Variants in XK observed in about 807,000 individuals in gnomAD.
The protein encoded by XK is X-linked Kx blood group antigen, Kell and VPS13A binding protein, also known as endoplasmic reticulum membrane adapter protein XK.
XK carries 2 observed loss-of-function variants against 14.0 expected under a neutral mutation model. The ratio of observed to expected loss-of-function variants is 0.14; its 90% CI spans 0.06 to 0.45. The LOEUF (loss-of-function observed/expected upper bound fraction) is 0.45. Among genes scored for constraint, XK ranks in the 20% least tolerant of loss-of-function variants. The pLI, the probability that XK is intolerant of heterozygous loss-of-function variation, is 0.98. For missense variants in XK, 235 were observed against 341.5 expected, an observed-to-expected ratio of 0.69 and a Z score of 2.46; for synonymous variants, 149 against 147.5, an observed-to-expected ratio of 1.01 and a Z score of -0.08.
chrX:37,726,462 T>A (rs1234364614), intron 2 of XK, among the ~76,000 whole-genome samples: 1 of 111,671 alleles, frequency 9.0e-6, no homozygotes, highest in East Asian at 2.8e-4. Context: ...AGAGCCAGGC[T>A]GTCGGTTCCT....
At chrX:37,688,611 A>G (rs1267795159) in intron 1 of XK, among the ~76,000 whole-genome samples, 3 of 111,901 alleles carry the variant, frequency 2.7e-5, no homozygotes, top group Non-Finnish European at 5.6e-5. Flanking sequence ...TATATTCCCT[A>G]TGCTCAGTGG....
rs141914123 is a variant in XK, at chrX:37,724,344, A to G, written c.509-3292A>G. ...TGTAGTAGTGGCAAAAGAACAGACA[A>G]ATAGATCAATGGAACAGAATAGAGA... On this transcript the variant is annotated intron_variant, in intron 2 of 2. Coordinates refer to ENST00000378616, the MANE Select transcript of XK (RefSeq NM_021083.4). 1.7e-3 allele frequency among the ~76,000 whole-genome samples: 186 copies of G among 111,561 alleles called. 1 individual carries two copies. The highest frequency in any genetic ancestry group is 5.6e-3 in the African/African-American group (174 of 30,847).
intron 2 of XK, among the ~76,000 whole-genome samples, chrX:37,717,566 G>A (rs1385853078): frequency 1.8e-5 from 2 of 111,743 alleles, no homozygotes; most frequent in East Asian, 2.8e-4. Context: ...GCAAGAAATC[G>A]AAATACAGCT....
chrX:37,688,431 A>G (rs1260110016), intron 1 of XK, among the ~76,000 whole-genome samples: 5 of 111,333 alleles, frequency 4.5e-5, no homozygotes, highest in African/African-American at 1.6e-4. Flanking sequence ...AACAGGAAAA[A>G]GGGGAACTGA....
In XK at chrX:37,729,891, C is replaced by G. The variant is rs1013685139; in HGVS notation, c.*1429C>G. The G allele has an allele frequency of 1.8e-5, 2 of 111,406 alleles. No homozygotes were observed. Among genetic ancestry groups the G allele is most frequent in the Non-Finnish European group, 3.8e-5 (2 of 53,083 alleles). 9.2% of individuals were successfully genotyped at this position (111,406 alleles called of 1,213,427 possible). On this transcript the variant is annotated 3_prime_UTR_variant, in exon 3 of 3. Transcript: ENST00000378616. The stretch of plus-strand genomic sequence containing the variant: ...TTCGGATAATTTTCATTTTTAATTC[C>G]TCTTGGTGTCAAATTTTTAAGTAAT...
At chrX:37,708,898 C>T (rs1416679551) in intron 2 of XK, among the ~76,000 whole-genome samples, 1 of 112,280 alleles carries the variant, frequency 8.9e-6, no homozygotes, top group Non-Finnish European at 1.9e-5. Flanking sequence ...CAGAAATATA[C>T]TTTTTTGCCC....
At chrX:37,710,581 A>C (rs1434638654) in intron 2 of XK, among the ~76,000 whole-genome samples, 5 of 111,546 alleles carry the variant, frequency 4.5e-5, no homozygotes, top group Non-Finnish European at 9.4e-5. Context: ...GGATTACCTG[A>C]GGTCAGGAGT....
At position 37,686,009 on chromosome X, in the gene XK, C is replaced by A. The variant is rs1290910046; in HGVS notation, c.48C>A (p.Ala16=). The change falls in exon 1 of 3, where the codon GCC becomes GCA. Residue 16 remains alanine (A), a synonymous_variant. Transcript: ENST00000378616. ...TGGCGTCCGTGTTCCTGTTCGTGGC[C>A]GAGACAACGGCGGCGCTCAGCCTGA... ...SVLASVFLFV[A]ETTAALSLSS... is the part of the protein sequence containing the mutation. 5.0e-6 allele frequency: 6 copies of A among 1,207,763 alleles called. No homozygotes were observed. The African/African-American group carries it at 1.0e-4, about 21-fold the overall frequency.
Position 37,729,859 on chromosome X carries a change from A to G in XK, c.*1397A>G, listed in dbSNP as rs1928053319. On this transcript the variant is annotated 3_prime_UTR_variant, in exon 3 of 3. Coordinates refer to ENST00000378616, the MANE Select transcript of XK (RefSeq NM_021083.4). ...ACCTACAAAACGTATTTATCTGGCC[A>G]TTGCACTTCGGATAATTTTCATTTT... 1 of 111,666 alleles carries G rather than the reference A, an allele frequency of 9.0e-6. No homozygotes were observed. The highest frequency in any genetic ancestry group is 3.2e-5 in the African/African-American group (1 of 30,794). 9.2% of individuals were successfully genotyped at this position (111,666 alleles called of 1,213,427 possible). A position where few individuals can be genotyped will look rare whatever the true frequency, so the allele number is the denominator to read the frequency against.
intron 2 of XK, among the ~76,000 whole-genome samples, chrX:37,716,378 T>C (rs1927765608): frequency 8.9e-6 from 1 of 112,043 alleles, no homozygotes; most frequent in Admixed American, 9.5e-5. Context: ...AATAAAGTAT[T>C]TGAAAAGAGG....
intron 2 of XK, among the ~76,000 whole-genome samples, chrX:37,712,339 A>G (rs1239088592): frequency 8.9e-6 from 1 of 112,232 alleles, no homozygotes; most frequent in Non-Finnish European, 1.9e-5. Context: ...GAACTAATCT[A>G]ATGATAATAG....
At chrX:37,687,194 TACACACACACACACACACACACAC>T (rs36002435) in intron 1 of XK, among the ~76,000 whole-genome samples, 1 of 87,048 alleles carries the variant, frequency 1.1e-5, no homozygotes, top group African/African-American at 4.1e-5. Context: ...CTCTCTCTCT[TACACACACACACACACACACACAC>T]ACACACACGC....
intron 2 of XK, among the ~76,000 whole-genome samples, chrX:37,707,582 C>T (rs1369795436): frequency 1.8e-5 from 2 of 109,591 alleles, no homozygotes; most frequent in Non-Finnish European, 3.8e-5. Flanking sequence ...GGCGGCCGGG[C>T]AGAGATGCTC....
rs782213917 is a variant in XK, at chrX:37,715,152, G to A, written c.509-12484G>A. ...TATACAAATATGTGTGTGTGTGTGTGTATATATAGTCCTCTTTGCTTTATC... is the reference window on the plus strand; with the variant it reads ...TATACAAATATGTGTGTGTGTGTGTATATATATAGTCCTCTTTGCTTTATC... On this transcript the variant is annotated intron_variant, in intron 2 of 2. Transcript: ENST00000378616. Among the ~76,000 whole-genome samples, 182 of 109,407 alleles carry A rather than the reference G, an allele frequency of 1.7e-3. 1 individual carries two copies. The highest frequency in any genetic ancestry group is 5.6e-3 in the African/African-American group (168 of 30,118).
At chrX:37,703,063 C>T (rs917411345) in intron 2 of XK, among the ~76,000 whole-genome samples, 6 of 112,089 alleles carry the variant, frequency 5.4e-5, no homozygotes, top group African/African-American at 1.9e-4. Context: ...TGCCAGCTCT[C>T]AATGTCCATA....
intron 1 of XK, among the ~76,000 whole-genome samples, chrX:37,689,474 A>C (rs1196334311): frequency 8.9e-6 from 1 of 112,312 alleles, no homozygotes; most frequent in Admixed American, 9.5e-5. Context: ...TTGACAGTTT[A>C]ACTCTTCTTG....
At chrX:37,701,018 C>T (rs782746067) in intron 2 of XK, among the ~76,000 whole-genome samples, 2 of 111,927 alleles carry the variant, frequency 1.8e-5, no homozygotes, top group Non-Finnish European at 3.8e-5. Flanking sequence ...GGATTAGTAA[C>T]TGGTACTATG....
chrX:37,723,537 A>T (rs1237036043), intron 2 of XK, among the ~76,000 whole-genome samples: 2 of 111,474 alleles, frequency 1.8e-5, no homozygotes, highest in African/African-American at 6.5e-5. Flanking sequence ...TTACTACTAG[A>T]CACCAACTGG....
chrX:37,716,863 G>A lies in XK; in HGVS notation c.509-10773G>A, dbSNP rs376917853. Among the ~76,000 whole-genome samples, 10 of 111,490 alleles carry A rather than the reference G, an allele frequency of 9.0e-5. No homozygotes were observed. In the East Asian group the frequency reaches 1.4e-3, roughly 16 times the overall value. On this transcript the variant is annotated intron_variant, in intron 2 of 2. Transcript: ENST00000378616. ...CTGATGTCCCTTTTCTCTGCCTGAG[G>A]CAGGATGATAAGGAAGGAGGACAAG...
Sources: allele counts gnomAD v4.1 joint callset (sites outside exome capture counted in the v4.1 genomes callset), GRCh38; gene constraint gnomAD v4.1.1; transcripts MANE v1.5; gene names NCBI Gene and HGNC (gene_info 2026-07-23, HGNC 2026-07-21).